The following DGKB variants were observed in gnomAD, a reference collection of about 807,000 sequenced individuals.
The protein encoded by DGKB is 90 kDa diacylglycerol kinase.
DGKB carries 67 observed loss-of-function variants against 114.3 expected under a neutral mutation model. The ratio of observed to expected loss-of-function variants is 0.59; its 90% confidence interval spans 0.48 to 0.72. The LOEUF is 0.72. DGKB is among the 30% of genes least tolerant of loss of function. The probability of loss-of-function intolerance (pLI) is 0.00; values close to 1 mark genes in which losing one functional copy is unlikely to be tolerated. For missense variants in DGKB, 907 were observed against 975.2 expected (o/e 0.93, Z 0.93); for synonymous variants, 398 against 323.1 (o/e 1.23, Z -2.49).
intron 1 of DGKB, among the ~76,000 whole-genome samples, chr7:14,901,475 T>G (rs755071826): frequency 3.4e-4 from 52 of 152,140 alleles, no homozygotes; most frequent in Admixed American, 7.9e-4. Context: ...TACATTCTCT[T>G]TTAGGTAATT....
At chr7:14,343,671 T>C (rs566196981) in intron 22 of DGKB, among the ~76,000 whole-genome samples, 3 of 151,724 alleles carry the variant, frequency 2.0e-5, no homozygotes, top group South Asian at 4.1e-4. Flanking sequence ...GCCATACTTC[T>C]AATTTTTCTA....
At chr7:14,457,806 C>A (rs977329743) in intron 21 of DGKB, among the ~76,000 whole-genome samples, 1 of 152,172 alleles carries the variant, frequency 6.6e-6, no homozygotes, top group Non-Finnish European at 1.5e-5. Flanking sequence ...CTCAAGTATG[C>A]CGGCTGACAT....
chr7:14,830,594 G>C (rs1846277768), intron 2 of DGKB, among the ~76,000 whole-genome samples: 1 of 151,912 alleles, frequency 6.6e-6, no homozygotes, highest in Admixed American at 6.6e-5. Context: ...AGAGACAATG[G>C]ATTGCCTTGA....
intron 25 of DGKB, among the ~76,000 whole-genome samples, chr7:14,162,933 A>G (rs895989133): frequency 2.0e-5 from 3 of 152,216 alleles, no homozygotes; most frequent in Non-Finnish European, 4.4e-5. Flanking sequence ...CGATTTGTGC[A>G]CATTATGGTG....
At chr7:14,634,495 C>CAG (rs1418165070) in intron 13 of DGKB, among the ~76,000 whole-genome samples, 1 of 149,584 alleles carries the variant, frequency 6.7e-6, no homozygotes, top group African/African-American at 2.4e-5. Context: ...CACACACACA[C>CAG]ACACACACAC....
chr7:14,669,182 C>T (rs1161541330), intron 13 of DGKB, among the ~76,000 whole-genome samples: 1 of 152,032 alleles, frequency 6.6e-6, no homozygotes, highest in Non-Finnish European at 1.5e-5. Context: ...CATTGTTGCC[C>T]CTCAACACTA....
intron 13 of DGKB, among the ~76,000 whole-genome samples, chr7:14,655,934 G>C (rs561030147): frequency 2.0e-5 from 3 of 151,530 alleles, no homozygotes; most frequent in Non-Finnish European, 4.4e-5. Flanking sequence ...ATTACAGCTA[G>C]ACATAATAAA....
chr7:14,442,334 G>T (rs1830190226), intron 21 of DGKB, among the ~76,000 whole-genome samples: 1 of 151,084 alleles, frequency 6.6e-6, no homozygotes, highest in Admixed American at 6.6e-5. Context: ...TTGTTACTTG[G>T]GTTTCTATAT....
At position 14,447,166 on chromosome 7, in the gene DGKB, A is replaced by T. The variant is rs142613894; in HGVS notation, c.1835+30995T>A. 2.6e-3 allele frequency among the ~76,000 whole-genome samples: 400 copies of T among 152,198 alleles called. 1 individual carries two copies. Among genetic ancestry groups the T allele is most frequent in the South Asian group, 5.0e-3 (24 of 4,826 alleles). ...ATGCATCACCCCTAGGGGGAACTTT[A>T]GCTCCCCCATCAGGGTGGAACCCAC... On this transcript the variant is annotated intron_variant, in intron 21 of 25. Coordinates refer to ENST00000402815, the MANE Select transcript of DGKB (RefSeq NM_001350709.2).
Position 14,568,343 on chromosome 7 carries a change from T to C in DGKB, c.1770+5869A>G, listed in dbSNP as rs187878352. Among the ~76,000 whole-genome samples, 228 of 152,310 alleles carry C rather than the reference T, an allele frequency of 1.5e-3. 1 individual carries two copies. The highest frequency in any genetic ancestry group is 2.5e-3 in the Non-Finnish European group (171 of 68,018). On this transcript the variant is annotated intron_variant, in intron 20 of 25. Transcript: ENST00000402815. ...AAGCATTAAAAAGAAGGAATTGCCA[T>C]AGTGTCTAGTTATTGATCAATTTCC... is the stretch of plus-strand genomic sequence containing the variant.
intron 20 of DGKB, among the ~76,000 whole-genome samples, chr7:14,478,650 T>C (rs953236154): frequency 1.3e-5 from 2 of 152,026 alleles, no homozygotes; most frequent in Non-Finnish European, 1.5e-5. Flanking sequence ...CTCCTAATTA[T>C]TTGAGATAAT....
At chr7:14,454,267 C>A (rs1035333909) in intron 21 of DGKB, among the ~76,000 whole-genome samples, 30 of 151,900 alleles carry the variant, frequency 2.0e-4, no homozygotes, top group Admixed American at 1.3e-4. Context: ...ATTTTTGTAC[C>A]CATTGATCCA....
intron 2 of DGKB, among the ~76,000 whole-genome samples, chr7:14,773,419 G>A (rs1393018280): frequency 1.3e-5 from 2 of 152,078 alleles, no homozygotes; most frequent in Admixed American, 1.3e-4. Context: ...TTCAGATAAT[G>A]AAGGATATAT....
intron 23 of DGKB, among the ~76,000 whole-genome samples, chr7:14,214,445 G>A (rs1278782428): frequency 6.6e-6 from 1 of 151,956 alleles, no homozygotes; most frequent in Non-Finnish European, 1.5e-5. Context: ...AATCTGCTTT[G>A]GTTGTAAACT....
intron 23 of DGKB, among the ~76,000 whole-genome samples, chr7:14,286,203 CACA>C (rs1489907410): frequency 6.6e-6 from 1 of 152,076 alleles, no homozygotes; most frequent in Non-Finnish European, 1.5e-5. Flanking sequence ...ATAGATTTCA[CACA>C]ACACCTGTGA....
intron 23 of DGKB, chr7:14,209,431 G>C (rs1787388866): frequency 2.1e-6 from 1 of 470,984 alleles, no homozygotes; most frequent in Non-Finnish European, 4.4e-6. Context: ...CTCCACTTCA[G>C]TAGGACAGCA....
In DGKB at chr7:14,825,040, A is replaced by G. The variant is rs905402947; in HGVS notation, c.70+16154T>C. Among the ~76,000 whole-genome samples the G allele has an allele frequency of 7.7e-5, 11 of 143,170 alleles. 1 individual carries two copies. Among genetic ancestry groups the G allele is most frequent in the South Asian group, 4.4e-4 (2 of 4,540 alleles). 93.9% of individuals were successfully genotyped at this position (143,170 alleles called of 152,430 possible). On this transcript the variant is annotated intron_variant, in intron 2 of 25. Transcript: ENST00000402815. ...TGTATATATATATATATATATATAT[A>G]TATATATATATATATATCACATGTA...
intron 23 of DGKB, among the ~76,000 whole-genome samples, chr7:14,224,124 C>T (rs1157174509): frequency 6.6e-6 from 1 of 151,680 alleles, no homozygotes; most frequent in Non-Finnish European, 1.5e-5. Context: ...ATTTCTCCTG[C>T]TTCCTCCTAT....
chr7:14,348,367 T>C (rs1280271229), intron 21 of DGKB, among the ~76,000 whole-genome samples: 2 of 152,156 alleles, frequency 1.3e-5, no homozygotes, highest in East Asian at 1.9e-4. Flanking sequence ...GAATGCATCA[T>C]AGCAAAGGAC....
Sources: gnomAD v4.1 joint callset for allele counts (sites outside exome capture counted in the v4.1 genomes callset) on GRCh38, gnomAD v4.1.1 for gene constraint, MANE v1.5 for transcripts, NCBI Gene and HGNC (gene_info 2026-07-23, HGNC 2026-07-21) for gene names.